EFCAB6: variants seen among roughly 807,000 people sequenced by gnomAD.
The protein encoded by EFCAB6 is EF-hand calcium binding domain 6.
Under a neutral mutation model 169.8 loss-of-function variants are expected in EFCAB6, and 156 were observed. The ratio of observed to expected loss-of-function variants is 0.92; its 90% CI spans 0.81 to 1.05. The LOEUF is 1.05. EFCAB6 is among the 50% of genes least tolerant of loss of function. The pLI is 0.00. For synonymous variants in EFCAB6, 698 were observed against 676.4 expected, an observed-to-expected ratio of 1.03 and a Z score of -0.50; for missense variants, 1,800 against 1,829.1, an observed-to-expected ratio of 0.98 and a Z score of 0.29.
intron 17 of EFCAB6, among the ~76,000 whole-genome samples, chr22:43,640,886 A>G (rs552065043): frequency 6.6e-6 from 1 of 152,314 alleles, no homozygotes; most frequent in East Asian, 1.9e-4. Context: ...ACTCCCAGGA[A>G]TACTTTCTGG....
At chr22:43,775,586 G>C (rs1216294902) in intron 3 of EFCAB6, among the ~76,000 whole-genome samples, 1 of 152,136 alleles carries the variant, frequency 6.6e-6, no homozygotes, top group African/African-American at 2.4e-5. Context: ...GTGACTATAG[G>C]CACCTGCCAC....
intron 27 of EFCAB6, chr22:43,554,015 T>TG: frequency 6.5e-6 from 1 of 153,210 alleles, no homozygotes; most frequent in South Asian, 2.1e-4. Context: ...CACCAGGTAG[T>TG]AGCAAGGAGA....
chr22:43,660,544 T>C (rs2056953170), intron 17 of EFCAB6, among the ~76,000 whole-genome samples: 1 of 150,640 alleles, frequency 6.6e-6, no homozygotes, highest in Non-Finnish European at 1.5e-5. Context: ...TTTATATATT[T>C]ATAAAATTAT....
chr22:43,545,311 GA>G (rs2047988512), intron 27 of EFCAB6, among the ~76,000 whole-genome samples: 1 of 152,144 alleles, frequency 6.6e-6, no homozygotes, highest in Admixed American at 6.5e-5. Context: ...TCTGGAAAAT[GA>G]AACTATCACT....
At chr22:43,574,058 T>C (rs1216906284) in intron 26 of EFCAB6, among the ~76,000 whole-genome samples, 1 of 152,070 alleles carries the variant, frequency 6.6e-6, no homozygotes, top group Non-Finnish European at 1.5e-5. Context: ...CTTGGATCTT[T>C]CCTAAGAAAT....
At chr22:43,555,542 G>A (rs2048656311) in intron 26 of EFCAB6, among the ~76,000 whole-genome samples, 1 of 152,250 alleles carries the variant, frequency 6.6e-6, no homozygotes, top group Non-Finnish European at 1.5e-5. Flanking sequence ...ACTCACAGTG[G>A]TCAACATTTG....
chr22:43,630,447 C>T (rs914145067), intron 19 of EFCAB6, among the ~76,000 whole-genome samples: 7 of 152,300 alleles, frequency 4.6e-5, no homozygotes, highest in Middle Eastern at 3.4e-3. Context: ...CTTCACTGAT[C>T]GTAAAGATAG....
At chr22:43,557,160 C>T (rs1361303595) in intron 26 of EFCAB6, among the ~76,000 whole-genome samples, 1 of 152,272 alleles carries the variant, frequency 6.6e-6, no homozygotes, top group East Asian at 1.9e-4. Flanking sequence ...CTGCCCCTAC[C>T]CGGCTGTGTG....
chr22:43,794,501 A>C (rs1411017069), intron 2 of EFCAB6, among the ~76,000 whole-genome samples: 3 of 152,210 alleles, frequency 2.0e-5, no homozygotes, highest in Non-Finnish European at 2.9e-5. Flanking sequence ...ATTTGCCTAC[A>C]TGCATGTGAG....
chr22:43,698,551 T>C (rs1384861892), intron 10 of EFCAB6, among the ~76,000 whole-genome samples: 2 of 152,172 alleles, frequency 1.3e-5, no homozygotes, highest in African/African-American at 4.8e-5. Flanking sequence ...TCTTACCACA[T>C]ACCCCATATC....
At chr22:43,707,848 G>T (rs1237376366) in intron 10 of EFCAB6, among the ~76,000 whole-genome samples, 1 of 152,080 alleles carries the variant, frequency 6.6e-6, no homozygotes, top group Non-Finnish European at 1.5e-5. Flanking sequence ...AAACAGGCAT[G>T]AGTCATAAAA....
intron 9 of EFCAB6, among the ~76,000 whole-genome samples, chr22:43,714,604 T>G (rs933242885): frequency 6.6e-6 from 1 of 150,772 alleles, no homozygotes; most frequent in Non-Finnish European, 1.5e-5. Flanking sequence ...TCCGGCTGAC[T>G]CCAGGTTATT....
At chr22:43,581,173 G>A (rs2050697419) in intron 24 of EFCAB6, among the ~76,000 whole-genome samples, 1 of 152,136 alleles carries the variant, frequency 6.6e-6, no homozygotes, top group Admixed American at 6.5e-5. Flanking sequence ...GGGTCATGGA[G>A]GCCTTAACCA....
intron 7 of EFCAB6, 117 bp downstream of exon 7, chr22:43,735,740 G>T: frequency 8.4e-7 from 1 of 1,192,876 alleles, no homozygotes; most frequent in Non-Finnish European, 1.2e-6. Flanking sequence ...AATAAGGTGT[G>T]TGTGTGTGGC....
rs759060477 is a variant in EFCAB6, at chr22:43,678,150, G to C, written c.1265C>G (p.Pro422Arg). Residue 422 changes from proline (P) to arginine (R), a missense_variant, in exon 13 of 32, where the codon CCG (proline) becomes CGG (arginine). By Grantham distance (103) the Pro-to-Arg change is moderately radical (BLOSUM62 -2). Coordinates refer to ENST00000262726, the MANE Select transcript of EFCAB6 (RefSeq NM_022785.4). ...LLIINTKPDG[P>R]ITREEFRYIL... ...ATATCGAAATTCTTCTCTTGTTATC[G>C]GTCCATCGGGTTTCTGAGCATCAGA... 58 of 1,610,580 alleles carry C rather than the reference G, an allele frequency of 3.6e-5. No homozygotes were observed. The highest frequency in any genetic ancestry group is 4.7e-5 in the Non-Finnish European group (55 of 1,179,152).
chr22:43,594,370 AC>A (rs2051835654), intron 23 of EFCAB6, among the ~76,000 whole-genome samples: 1 of 152,018 alleles, frequency 6.6e-6, no homozygotes, highest in Non-Finnish European at 1.5e-5. Context: ...AAAAAACAAG[AC>A]CCAACTATAT....
At chr22:43,671,721 C>A (rs891705364) in intron 15 of EFCAB6, among the ~76,000 whole-genome samples, 24 of 152,204 alleles carry the variant, frequency 1.6e-4, no homozygotes, top group African/African-American at 5.8e-4. Flanking sequence ...TATTTAACTT[C>A]TCCAGACCTC....
intron 9 of EFCAB6, among the ~76,000 whole-genome samples, chr22:43,716,208 A>C (rs2059326930): frequency 6.6e-6 from 1 of 152,188 alleles, no homozygotes; most frequent in Non-Finnish European, 1.5e-5. Flanking sequence ...GGAAGGTTAT[A>C]ATCTTCGTTC....
intron 12 of EFCAB6, among the ~76,000 whole-genome samples, chr22:43,680,218 T>A (rs2057948057): frequency 6.6e-6 from 1 of 152,222 alleles, no homozygotes; most frequent in Admixed American, 6.5e-5. Context: ...GATATTTTCC[T>A]TTCCCCCACT....
Sources: gnomAD v4.1 joint callset for allele counts (sites outside exome capture counted in the v4.1 genomes callset) on GRCh38, gnomAD v4.1.1 for gene constraint, MANE v1.5 for transcripts, NCBI Gene and HGNC (gene_info 2026-07-23, HGNC 2026-07-21) for gene names.